The following SMYD3 variants were observed in gnomAD, a reference collection of about 807,000 sequenced individuals.
SMYD3 encodes SET and MYND domain containing 3.
Under a neutral mutation model 57.7 loss-of-function variants are expected in SMYD3, and 36 were observed. The ratio of observed to expected loss-of-function variants is 0.62; its 90% CI spans 0.48 to 0.82. The LOEUF (loss-of-function observed/expected upper bound fraction) is 0.82, where lower values mean the gene tolerates loss of function less well. Ranked by LOEUF, SMYD3 falls within the 40% of genes least tolerant of loss-of-function variation. The pLI, the probability that SMYD3 is intolerant of heterozygous loss-of-function variation, is 0.00. For missense variants in SMYD3, 515 were observed against 538.8 expected (o/e 0.96, Z 0.44); for synonymous variants, 211 against 195.0 (o/e 1.08, Z -0.68).
intron 5 of SMYD3, among the ~76,000 whole-genome samples, chr1:246,010,164 T>C (rs540000289): frequency 7.9e-5 from 12 of 151,128 alleles, no homozygotes; most frequent in African/African-American, 2.9e-4. Context: ...CAGTAGAAAT[T>C]GTGTTTGTGA....
At chr1:245,909,421 T>G (rs2054809392) in intron 8 of SMYD3, among the ~76,000 whole-genome samples, 1 of 151,716 alleles carries the variant, frequency 6.6e-6, no homozygotes, top group Non-Finnish European at 1.5e-5. Flanking sequence ...TCCAGAAAAA[T>G]TAGGAGGAGG....
intron 1 of SMYD3, among the ~76,000 whole-genome samples, chr1:246,416,349 T>C (rs973339672): frequency 6.6e-6 from 1 of 152,204 alleles, no homozygotes; most frequent in African/African-American, 2.4e-5. Flanking sequence ...GGACCACTAC[T>C]GTGACTTAAA....
chr1:246,311,768 C>G (rs2065084279), intron 5 of SMYD3, among the ~76,000 whole-genome samples: 1 of 152,192 alleles, frequency 6.6e-6, no homozygotes, highest in South Asian at 2.1e-4. Flanking sequence ...CGAATTGGTT[C>G]AAAAATACCC....
chr1:245,924,303 TGAG>T (rs760326284), intron 7 of SMYD3, among the ~76,000 whole-genome samples: 20 of 152,012 alleles, frequency 1.3e-4, no homozygotes, highest in Non-Finnish European at 2.6e-4. Context: ...GGCGGCTGAA[TGAG>T]GAGACAAAAA....
At position 246,381,221 on chromosome 1, in the gene SMYD3, G is replaced by A. The variant is rs535416555; in HGVS notation, c.165-26127C>T. ...GTCACATGGCCATGTCTAGAAAGTC[G>A]GAACATTTCATTCTTTAGCTGGGCT... is the stretch of plus-strand genomic sequence containing the variant. On this transcript the variant is annotated intron_variant, in intron 1 of 11. Coordinates refer to ENST00000490107, the MANE Select transcript of SMYD3 (RefSeq NM_001167740.2). Among the ~76,000 whole-genome samples the A allele has an allele frequency of 5.3e-5, 8 of 152,160 alleles. No homozygotes were observed. In the East Asian group the frequency reaches 5.8e-4, roughly 11 times the overall value.
At chr1:246,187,004 T>C (rs2062651310) in intron 5 of SMYD3, 1 of 885,870 alleles carries the variant, frequency 1.1e-6, no homozygotes, top group African/African-American at 1.8e-5. Flanking sequence ...TACACAAACA[T>C]ACAAAGTAGG....
intron 10 of SMYD3, among the ~76,000 whole-genome samples, chr1:245,772,657 C>A (rs1273236086): frequency 6.6e-6 from 1 of 150,920 alleles, no homozygotes; most frequent in Non-Finnish European, 1.5e-5. Context: ...ACAAGACTAT[C>A]TCTACAAATA....
At chr1:246,174,238 T>G (rs1036308823) in intron 5 of SMYD3, among the ~76,000 whole-genome samples, 1 of 152,196 alleles carries the variant, frequency 6.6e-6, no homozygotes, top group African/African-American at 2.4e-5. Context: ...CAGAATTACA[T>G]GTGCTACACT....
At chr1:246,267,956 A>G (rs2064142697) in intron 5 of SMYD3, among the ~76,000 whole-genome samples, 2 of 152,180 alleles carry the variant, frequency 1.3e-5, no homozygotes, top group African/African-American at 4.8e-5. Context: ...CTGAGAGAGG[A>G]CAGGCCTCAC....
At chr1:245,910,980 T>A (rs2054928815) in intron 8 of SMYD3, among the ~76,000 whole-genome samples, 1 of 150,936 alleles carries the variant, frequency 6.6e-6, no homozygotes, top group African/African-American at 2.4e-5. Flanking sequence ...GAAAAAAAAA[T>A]TTGCAAAGTA....
At chr1:246,403,168 T>C (rs1292606036) in intron 1 of SMYD3, among the ~76,000 whole-genome samples, 1 of 152,136 alleles carries the variant, frequency 6.6e-6, no homozygotes, top group East Asian at 1.9e-4. Context: ...GGAAAATTAC[T>C]AGAAGAGTAA....
chr1:245,808,564 C>T (rs536711226), intron 10 of SMYD3, among the ~76,000 whole-genome samples: 199 of 152,262 alleles, frequency 1.3e-3, no homozygotes, highest in East Asian at 1.5e-3. Flanking sequence ...CCGCCTGGAC[C>T]GGGTGAGGCT....
intron 8 of SMYD3, among the ~76,000 whole-genome samples, chr1:245,902,417 T>A (rs1468803793): frequency 6.6e-6 from 1 of 152,262 alleles, no homozygotes; most frequent in East Asian, 1.9e-4. Context: ...GGGCACAATG[T>A]CCAGAGGCCC....
chr1:246,405,922 A>G lies in SMYD3; in HGVS notation c.165-50828T>C, dbSNP rs1487196676. Among the ~76,000 whole-genome samples, 17 of 148,918 alleles carry G rather than the reference A, an allele frequency of 1.1e-4. 1 individual carries two copies. The highest frequency in any genetic ancestry group is 8.0e-4 in the Admixed American group (12 of 14,962). On this transcript the variant is annotated intron_variant, in intron 1 of 11. Transcript: ENST00000490107. ...AAGACTCTGTCTCAAAAAAAAAAAA[A>G]AAAGAAAGAAAGAAAGAAAAAAGAA...
chr1:245,770,692 G>A (rs1346300372), intron 10 of SMYD3, among the ~76,000 whole-genome samples: 1 of 152,230 alleles, frequency 6.6e-6, no homozygotes, highest in East Asian at 1.9e-4. Flanking sequence ...AAGACCTACA[G>A]GTACTGAAAT....
At chr1:246,287,991 C>G (rs183101615) in intron 5 of SMYD3, among the ~76,000 whole-genome samples, 87 of 151,918 alleles carry the variant, frequency 5.7e-4, no homozygotes, top group Admixed American at 1.5e-3. Context: ...GCCCCCACCC[C>G]CAGACACTTA....
intron 8 of SMYD3, among the ~76,000 whole-genome samples, chr1:245,912,471 A>G (rs895961355): frequency 2.6e-5 from 4 of 152,166 alleles, no homozygotes; most frequent in Non-Finnish European, 4.4e-5. Flanking sequence ...CTATTAAAAT[A>G]CCAACGATAT....
intron 3 of SMYD3, among the ~76,000 whole-genome samples, chr1:246,334,937 G>T (rs2065517304): frequency 6.6e-6 from 1 of 152,114 alleles, no homozygotes; most frequent in Non-Finnish European, 1.5e-5. Context: ...ATTTGCGAAA[G>T]GAAGAGGCAA....
intron 8 of SMYD3, among the ~76,000 whole-genome samples, chr1:245,867,626 G>A (rs1425632927): frequency 6.6e-6 from 1 of 151,014 alleles, no homozygotes; most frequent in Non-Finnish European, 1.5e-5. Context: ...GGAACACACG[G>A]CAAGAGAAGA....
Sources: gnomAD v4.1 joint callset for allele counts (sites outside exome capture counted in the v4.1 genomes callset) on GRCh38, gnomAD v4.1.1 for gene constraint, MANE v1.5 for transcripts, NCBI Gene and HGNC (gene_info 2026-07-23, HGNC 2026-07-21) for gene names.